Variants in OPA1 observed in about 807,000 individuals in gnomAD.
OPA1 encodes OPA1 mitochondrial dynamin like GTPase.
In OPA1, 59 loss-of-function variants were observed where a neutral mutation model predicts 152.9. The observed-to-expected ratio is 0.39, with a 90% CI of 0.31 to 0.48. The LOEUF is 0.48. OPA1 is among the 20% of genes least tolerant of loss of function. OPA1 has a pLI of 0.96. For missense variants in OPA1, 1,008 were observed against 1,216.8 expected, an observed-to-expected ratio of 0.83 and a Z score of 2.55; for synonymous variants, 400 against 389.9, an observed-to-expected ratio of 1.03 and a Z score of -0.31.
chr3:193,665,012 ACAAAG>A lies in OPA1; in HGVS notation c.2778+17_2778+21del. ...AGATTCTGAGGTAAGGTTTCCAAAA[ACAAAG>A]AGAAGTATTTTTAAGCAACAGTTGT... On this transcript the variant is annotated intron_variant, in intron 27 of 30. Coordinates refer to ENST00000361510, the MANE Select transcript of OPA1 (RefSeq NM_130837.3). 1 of 1,341,572 alleles carries A rather than the reference ACAAAG, an allele frequency of 7.5e-7. No homozygotes were observed. The highest frequency in any genetic ancestry group is 1.1e-6 in the Non-Finnish European group (1 of 932,632). 83.1% of individuals were successfully genotyped at this position (1,341,572 alleles called of 1,614,324 possible). A position where few individuals can be genotyped will look rare whatever the true frequency, so the allele number is the denominator to read the frequency against.
chr3:193,667,419 C>T (rs1327722817), intron 29 of OPA1, 139 bp downstream of exon 29: 4 of 695,946 alleles, frequency 5.7e-6, no homozygotes, highest in East Asian at 2.9e-5. Flanking sequence ...GCTTGTAATC[C>T]CAGCACTTTG....
intron 4 of OPA1, 22 bp downstream of exon 4, chr3:193,617,307 C>A: frequency 7.0e-7 from 1 of 1,427,064 alleles, no homozygotes; most frequent in Non-Finnish European, 9.9e-7. Context: ...GCTGTTTGAT[C>A]TAATTTAAAA....
intron 21 of OPA1, among the ~76,000 whole-genome samples, chr3:193,654,210 A>G (rs1359139705): frequency 1.3e-5 from 2 of 152,202 alleles, no homozygotes; most frequent in African/African-American, 4.8e-5. Flanking sequence ...AAGAAGTGAA[A>G]TATTGCTAGA....
At chr3:193,604,980 A>G (rs560773422) in intron 1 of OPA1, among the ~76,000 whole-genome samples, 1 of 152,286 alleles carries the variant, frequency 6.6e-6, no homozygotes, top group African/African-American at 2.4e-5. Context: ...GCACTCCTTA[A>G]TAGGAGAGCA....
chr3:193,633,610 C>G (rs1732453602), intron 8 of OPA1, among the ~76,000 whole-genome samples: 1 of 152,020 alleles, frequency 6.6e-6, no homozygotes, highest in East Asian at 1.9e-4. Context: ...ATACAAGCCA[C>G]CTGTGTAATT....
At chr3:193,675,340 A>C (rs1266420672) in intron 29 of OPA1, among the ~76,000 whole-genome samples, 15 of 150,302 alleles carry the variant, frequency 1.0e-4, no homozygotes, top group African/African-American at 2.2e-4. Flanking sequence ...AAAAAAAAAA[A>C]AAAAAAAAAA....
At chr3:193,641,178 G>A (rs1733730306) in intron 11 of OPA1, among the ~76,000 whole-genome samples, 1 of 152,196 alleles carries the variant, frequency 6.6e-6, no homozygotes, top group Non-Finnish European at 1.5e-5. Flanking sequence ...TAGAAGCTGT[G>A]GATGATACTT....
chr3:193,657,150 A>T lies in OPA1; in HGVS notation c.2249A>T (p.Asp750Val). The change falls in exon 23 of 31, where the codon GAC becomes GTC. Residue 750 changes from aspartate (D) to valine (V), a missense_variant. Physicochemically the swap from Asp to Val is radical, Grantham distance 152. Transcript: ENST00000361510. ...MTEPKGKEHD[D>V]IFDKLKEAVK... ...GAACCGAAAGGGAAAGAGCATGATG[A>T]CATATTTGATAAACTTAAAGAGGCT... 1 of 1,613,970 alleles carries T rather than the reference A, an allele frequency of 6.2e-7. No homozygotes were observed. Among genetic ancestry groups the T allele is most frequent in the Non-Finnish European group, 8.5e-7 (1 of 1,179,900 alleles).
chr3:193,604,772 A>C (rs2108810662), intron 1 of OPA1, among the ~76,000 whole-genome samples: 1 of 149,396 alleles, frequency 6.7e-6, no homozygotes, highest in Admixed American at 6.8e-5. Flanking sequence ...AGGCAGGAGA[A>C]TCGCTTGAAC....
chr3:193,610,364 A>G (rs1171868740), intron 1 of OPA1, among the ~76,000 whole-genome samples: 1 of 152,248 alleles, frequency 6.6e-6, no homozygotes, highest in African/African-American at 2.4e-5. Flanking sequence ...ATTGGTGAAC[A>G]GCAGATGTTG....
chr3:193,669,251 C>G (rs192627654), intron 29 of OPA1, among the ~76,000 whole-genome samples: 2 of 152,350 alleles, frequency 1.3e-5, no homozygotes, highest in Admixed American at 6.5e-5. Context: ...TTCTCTCCCT[C>G]TAGTAATAAT....
At position 193,626,569 on chromosome 3, in the gene OPA1, A is replaced by T. The variant is rs192848212; in HGVS notation, c.789+367A>T. Among the ~76,000 whole-genome samples the T allele has an allele frequency of 5.9e-5, 9 of 152,346 alleles. No homozygotes were observed. The East Asian group carries it at 1.2e-3, about 20-fold the overall frequency. ...TCCCCAAGTTTTTATTTCTAAAATGAAAAGCATTGCTGTAGATGACCAGTT... is the reference window on the plus strand; with the variant it reads ...TCCCCAAGTTTTTATTTCTAAAATGTAAAGCATTGCTGTAGATGACCAGTT... On this transcript the variant is annotated intron_variant, in intron 7 of 30. Coordinates refer to ENST00000361510, the MANE Select transcript of OPA1 (RefSeq NM_130837.3).
intron 5 of OPA1, chr3:193,618,664 C>A (rs886884265): frequency 9.1e-6 from 5 of 546,578 alleles, no homozygotes; most frequent in South Asian, 2.2e-5. Flanking sequence ...ACATATGCTG[C>A]GATTGCTATA....
At chr3:193,625,546 C>G (rs1411610932) in intron 6 of OPA1, among the ~76,000 whole-genome samples, 1 of 151,962 alleles carries the variant, frequency 6.6e-6, no homozygotes, top group Non-Finnish European at 1.5e-5. Flanking sequence ...AAATTTTAAT[C>G]AAATGTATGC....
rs201520438 is a variant in OPA1 at position 193,614,760 on chromosome 3, A to G, written c.70A>G (p.Ile24Val). 4.1e-4 allele frequency: 663 copies of G among 1,614,028 alleles called. No individual in the cohort carries two copies. The highest frequency in any genetic ancestry group is 5.4e-4 in the Non-Finnish European group (641 of 1,179,984). Residue 24 changes from isoleucine (I) to valine (V), a missense_variant, in exon 2 of 31, where the codon ATA (isoleucine) becomes GTA (valine). Ile to Val is a conservative substitution (Grantham distance 29). Coordinates refer to ENST00000361510, the MANE Select transcript of OPA1 (RefSeq NM_130837.3). Reference protein sequence around the residue: ...CQSLVKHSSGIKGSLPLQKLH... With the variant: ...CQSLVKHSSGVKGSLPLQKLH... ...GTCTTTAGTGAAACACAGCTCTGGA[A>G]TAAAAGGAAGTTTACCACTACAAAA...
intron 1 of OPA1, among the ~76,000 whole-genome samples, chr3:193,594,989 G>A (rs747819855): frequency 6.6e-6 from 1 of 152,176 alleles, no homozygotes; most frequent in Non-Finnish European, 1.5e-5. Flanking sequence ...CTACAAAGAC[G>A]GAGTTTTAAA....
At chr3:193,640,753 A>G (rs1733662731) in intron 11 of OPA1, among the ~76,000 whole-genome samples, 1 of 152,108 alleles carries the variant, frequency 6.6e-6, no homozygotes, top group Non-Finnish European at 1.5e-5. Context: ...TGTTTTTTTC[A>G]TGTTTAGCTG....
At chr3:193,629,489 G>A (rs1731730603) in intron 7 of OPA1, among the ~76,000 whole-genome samples, 1 of 151,672 alleles carries the variant, frequency 6.6e-6, no homozygotes, top group Admixed American at 6.6e-5. Context: ...ACGAGGTCAG[G>A]AGATCGAGAC....
chr3:193,617,692 C>T (rs878952527), intron 4 of OPA1, 92 bp from the exon 5 acceptor site: 16 of 931,376 alleles, frequency 1.7e-5, no homozygotes, highest in Admixed American at 1.3e-4. Flanking sequence ...ATTGCCCTAT[C>T]GTAATATGAA....
Sources: gnomAD v4.1 joint callset for allele counts (sites outside exome capture counted in the v4.1 genomes callset) on GRCh38, gnomAD v4.1.1 for gene constraint, MANE v1.5 for transcripts, NCBI Gene and HGNC (gene_info 2026-07-23, HGNC 2026-07-21) for gene names.